The following SLIT1 variants were observed in gnomAD, a reference collection of about 807,000 sequenced individuals.
SLIT1 encodes the protein slit homolog 1 protein.
A neutral mutation model predicts 186.1 loss-of-function variants in SLIT1; 66 were observed. That is an observed-to-expected ratio of 0.35 (90% CI 0.29 to 0.44). The LOEUF (loss-of-function observed/expected upper bound fraction) is 0.44, where lower values mean the gene tolerates loss of function less well. Among genes scored for constraint, SLIT1 ranks in the 20% least tolerant of loss-of-function variants. SLIT1 has a pLI of 1.00. For synonymous variants in SLIT1, 761 were observed against 833.8 expected, an observed-to-expected ratio of 0.91 and a Z score of 1.50; for missense variants, 1,638 against 2,037.4, an observed-to-expected ratio of 0.80 and a Z score of 3.77.
intron 11 of SLIT1, among the ~76,000 whole-genome samples, chr10:97,058,943 G>A (rs1461599749): frequency 6.6e-6 from 1 of 152,228 alleles, no homozygotes; most frequent in Non-Finnish European, 1.5e-5. Flanking sequence ...GATCCTGAAG[G>A]AAGGGAAATA....
At chr10:97,101,305 A>C (rs532467680) in intron 4 of SLIT1, 137 of 151,892 alleles carry the variant, frequency 9.0e-4, no homozygotes, top group African/African-American at 3.2e-3. Context: ...ACACTGCTGC[A>C]CTCACGCCCA....
chr10:97,058,488 A>G (rs1246869800), intron 11 of SLIT1, among the ~76,000 whole-genome samples: 2 of 152,234 alleles, frequency 1.3e-5, no homozygotes, highest in Admixed American at 1.3e-4. Flanking sequence ...TCAGAATCTG[A>G]TCTCCTCAGC....
At chr10:97,083,869 T>G (rs1438027114) in intron 4 of SLIT1, among the ~76,000 whole-genome samples, 1 of 152,200 alleles carries the variant, frequency 6.6e-6, no homozygotes, top group Non-Finnish European at 1.5e-5. Flanking sequence ...CCTTGAGGTC[T>G]CCGAGAATGA....
chr10:97,157,982 G>T (rs1589415098), intron 3 of SLIT1, 93 bp from the exon 4 acceptor site: 3 of 936,974 alleles, frequency 3.2e-6, no homozygotes, highest in Non-Finnish European at 5.3e-6. Flanking sequence ...GAGGCAGAAG[G>T]TCCAGTATTC....
At chr10:97,109,031 T>C (rs556184445) in intron 4 of SLIT1, among the ~76,000 whole-genome samples, 2 of 149,914 alleles carry the variant, frequency 1.3e-5, no homozygotes, top group South Asian at 2.1e-4. Flanking sequence ...TCTGTAAACA[T>C]GAAATAAAAA....
At chr10:97,049,438 G>A (rs1008052048) in intron 13 of SLIT1, among the ~76,000 whole-genome samples, 4 of 152,160 alleles carry the variant, frequency 2.6e-5, no homozygotes, top group African/African-American at 9.7e-5. Context: ...GACATTTCAC[G>A]AGCACGAGCG....
chr10:97,141,080 C>G (rs192592752), intron 4 of SLIT1, among the ~76,000 whole-genome samples: 9 of 152,270 alleles, frequency 5.9e-5, no homozygotes, highest in Admixed American at 5.9e-4. Context: ...GTCGGAGGCT[C>G]TGCATGTAAA....
At chr10:97,042,772 C>T (rs1422067495) in intron 20 of SLIT1, 129 bp downstream of exon 20, 1 of 977,714 alleles carries the variant, frequency 1.0e-6, no homozygotes, top group East Asian at 2.6e-5. Flanking sequence ...CTCCCCTCCC[C>T]ACCTAACCTC....
In SLIT1 at chr10:97,034,461, T is replaced by C. The variant is rs1204464140; in HGVS notation, c.2438+10A>G. On this transcript the variant is annotated intron_variant, in intron 23 of 36. Coordinates refer to ENST00000266058, the MANE Select transcript of SLIT1 (RefSeq NM_003061.3). Reference sequence around the variant, plus strand: ...CCGGGGCCCCCCACCCCAGCCCTGCTGGGACTCACAGAGTGGTCAGCTGGC... The same window carrying C: ...CCGGGGCCCCCCACCCCAGCCCTGCCGGGACTCACAGAGTGGTCAGCTGGC... 1.9e-6 allele frequency: 3 copies of C among 1,610,674 alleles called. No homozygotes were observed. Among genetic ancestry groups the C allele is most frequent in the Admixed American group, 3.3e-5 (2 of 60,006 alleles).
chr10:97,019,194 G>A, intron 26 of SLIT1, 87 bp from the exon 27 acceptor site: 1 of 844,554 alleles, frequency 1.2e-6, no homozygotes, highest in East Asian at 2.5e-5. Flanking sequence ...AGGAGCCCAT[G>A]TCCAAGGAGC....
At chr10:97,018,841 A>ATTCT in intron 27 of SLIT1, 142 bp downstream of exon 27, 1 of 648,550 alleles carries the variant, frequency 1.5e-6, no homozygotes, top group Middle Eastern at 2.7e-4. Flanking sequence ...TCATTCATTC[A>ATTCT]TTCATTCATT....
intron 22 of SLIT1, among the ~76,000 whole-genome samples, chr10:97,036,068 C>T (rs1263849513): frequency 6.6e-6 from 1 of 152,160 alleles, no homozygotes; most frequent in Non-Finnish European, 1.5e-5. Context: ...GGAGAGGGGG[C>T]CATGACTTCG....
chr10:97,052,772 C>T (rs1848801394), intron 13 of SLIT1, among the ~76,000 whole-genome samples: 1 of 152,178 alleles, frequency 6.6e-6, no homozygotes, highest in Non-Finnish European at 1.5e-5. Context: ...AAATTTAAAT[C>T]TGCTCAGGTT....
intron 20 of SLIT1, among the ~76,000 whole-genome samples, chr10:97,041,484 T>G (rs1279441706): frequency 6.6e-6 from 1 of 151,906 alleles, no homozygotes; most frequent in Non-Finnish European, 1.5e-5. Context: ...TTTTTTTTTT[T>G]TTTTTGAGAC....
intron 4 of SLIT1, among the ~76,000 whole-genome samples, chr10:97,142,142 C>A (rs762290538): frequency 6.6e-6 from 1 of 151,852 alleles, no homozygotes; most frequent in East Asian, 1.9e-4. Context: ...TTGAAGTCAT[C>A]GGCCCTTTCA....
chr10:97,060,063 C>T (rs1335334006), intron 10 of SLIT1, 24 bp downstream of exon 10: 4 of 1,588,192 alleles, frequency 2.5e-6, no homozygotes, highest in Non-Finnish European at 3.5e-6. Flanking sequence ...ACCAGCTCCC[C>T]AGGAAGCAGT....
At chr10:97,076,891 G>T (rs1269489037) in intron 4 of SLIT1, among the ~76,000 whole-genome samples, 1 of 152,240 alleles carries the variant, frequency 6.6e-6, no homozygotes, top group African/African-American at 2.4e-5. Flanking sequence ...GACCACACTG[G>T]TGCAGTGAAG....
chr10:97,145,106 T>C (rs1049164978), intron 4 of SLIT1, among the ~76,000 whole-genome samples: 1 of 152,096 alleles, frequency 6.6e-6, no homozygotes, highest in Non-Finnish European at 1.5e-5. Context: ...TACAGTATTA[T>C]TATTAAATGA....
chr10:97,089,591 G>GAATGGAATT (rs982210075), intron 4 of SLIT1, among the ~76,000 whole-genome samples: 3 of 152,316 alleles, frequency 2.0e-5, no homozygotes, highest in African/African-American at 7.2e-5. Flanking sequence ...GCAGAGGTGG[G>GAATGGAATT]AATGGAATTC....
Sources: allele counts gnomAD v4.1 joint callset (sites outside exome capture counted in the v4.1 genomes callset), GRCh38; gene constraint gnomAD v4.1.1; transcripts MANE v1.5; gene names NCBI Gene and HGNC (gene_info 2026-07-23, HGNC 2026-07-21).